Variants in COL13A1 observed in about 807,000 individuals in gnomAD.
COL13A1 encodes collagen alpha-1(XIII) chain.
In COL13A1, 89 loss-of-function variants were observed where a neutral mutation model predicts 130.9. The observed-to-expected ratio is 0.68, with a 90% CI of 0.57 to 0.81. The LOEUF is 0.81. COL13A1 is among the 30% of genes least tolerant of loss of function. COL13A1 has a pLI of 0.00. For synonymous variants in COL13A1, 402 were observed against 341.6 expected (o/e 1.18, Z -1.95); for missense variants, 879 against 934.6 (o/e 0.94, Z 0.78).
At chr10:69,884,216 G>A (rs1018730149) in intron 7 of COL13A1, among the ~76,000 whole-genome samples, 4 of 152,172 alleles carry the variant, frequency 2.6e-5, no homozygotes, top group African/African-American at 9.7e-5. Flanking sequence ...TGGCAAGAGT[G>A]GACCATGCAC....
intron 1 of COL13A1, among the ~76,000 whole-genome samples, chr10:69,809,680 G>T (rs1842450232): frequency 6.6e-6 from 1 of 152,260 alleles, no homozygotes; most frequent in Non-Finnish European, 1.5e-5. Context: ...CCAGCCAGGG[G>T]CTGGGGATCT....
chr10:69,907,274 T>C (rs982159545), intron 17 of COL13A1, among the ~76,000 whole-genome samples: 12 of 152,224 alleles, frequency 7.9e-5, no homozygotes, highest in Non-Finnish European at 1.8e-4. Context: ...ATGACTATTC[T>C]CCTATTTAAA....
rs529266732 is a variant in COL13A1 at position 69,836,388 on chromosome 10, A to C, written c.364+13950A>C. On this transcript the variant is annotated intron_variant, in intron 2 of 40. Transcript: ENST00000645393. ...GAACCACACTGTTGGTGGCTTGTGC[A>C]GCTGGCATTTGGCCCTGAGACATCA... Among the ~76,000 whole-genome samples the C allele has an allele frequency of 2.8e-4, 42 of 152,340 alleles. 1 individual carries two copies. The Middle Eastern group carries it at 0.01, about 37-fold the overall frequency.
At position 69,830,843 on chromosome 10, in the gene COL13A1, C is replaced by T. The variant is rs74139205; in HGVS notation, c.364+8405C>T. ...ACCATCACCACAATCAGTTCTAGGA[C>T]ATTTTATCGTCCCAAAAAAGAAACC... On this transcript the variant is annotated intron_variant, in intron 2 of 40. Coordinates refer to ENST00000645393, the MANE Select transcript of COL13A1 (RefSeq NM_001368882.1). Among the ~76,000 whole-genome samples the T allele has an allele frequency of 8.0e-3, 1,219 of 152,290 alleles. 22 individuals are homozygous for T. The highest frequency in any genetic ancestry group is 0.028 in the African/African-American group (1,158 of 41,556).
intron 4 of COL13A1, among the ~76,000 whole-genome samples, chr10:69,872,760 C>G (rs759396882): frequency 6.6e-6 from 1 of 152,234 alleles, no homozygotes; most frequent in Non-Finnish European, 1.5e-5. Context: ...CTGCATTTAT[C>G]ATGTTTCACA....
chr10:69,814,776 A>G (rs1321355373), intron 1 of COL13A1, among the ~76,000 whole-genome samples: 1 of 152,196 alleles, frequency 6.6e-6, no homozygotes, highest in Non-Finnish European at 1.5e-5. Flanking sequence ...TGCCTACAAT[A>G]GATTCTTCAC....
At chr10:69,913,907 C>T (rs1258423114) in intron 17 of COL13A1, among the ~76,000 whole-genome samples, 2 of 152,018 alleles carry the variant, frequency 1.3e-5, no homozygotes, top group Admixed American at 6.5e-5. Context: ...CAAGGAAGCC[C>T]GGGTCACTTG....
intron 22 of COL13A1, 68 bp downstream of exon 22, chr10:69,922,003 T>C: frequency 6.6e-7 from 1 of 1,520,358 alleles, no homozygotes; most frequent in East Asian, 2.4e-5. Context: ...GCCCTGCACA[T>C]CCACACAGGC....
At chr10:69,820,655 G>T in intron 1 of COL13A1, among the ~76,000 whole-genome samples, 1 of 152,184 alleles carries the variant, frequency 6.6e-6, no homozygotes, top group African/African-American at 2.4e-5. Flanking sequence ...CCTCCTAATT[G>T]TTACTCAGCC....
chr10:69,814,298 A>C (rs1176912594), intron 1 of COL13A1, among the ~76,000 whole-genome samples: 1 of 152,138 alleles, frequency 6.6e-6, no homozygotes, highest in Non-Finnish European at 1.5e-5. Context: ...CTCCCTTTCC[A>C]GAAGAGGGGC....
At chr10:69,823,366 G>A (rs1358078588) in intron 2 of COL13A1, among the ~76,000 whole-genome samples, 2 of 152,344 alleles carry the variant, frequency 1.3e-5, no homozygotes, top group African/African-American at 2.4e-5. Flanking sequence ...CCTCTTTAGA[G>A]GTGGGGAAGG....
At chr10:69,925,993 C>T (rs746170284) in intron 26 of COL13A1, 121 bp downstream of exon 26, 21 of 783,644 alleles carry the variant, frequency 2.7e-5, no homozygotes, top group African/African-American at 1.0e-4. Flanking sequence ...CCTCAGGCAG[C>T]GCTTCCAGGA....
chr10:69,927,796 C>T (rs1005870901), intron 27 of COL13A1, among the ~76,000 whole-genome samples: 7 of 152,230 alleles, frequency 4.6e-5, no homozygotes, highest in Admixed American at 1.3e-4. Flanking sequence ...ACTTCTGTGA[C>T]GTCCCAATCC....
At chr10:69,905,127 T>G (rs1565013188) in intron 16 of COL13A1, among the ~76,000 whole-genome samples, 168 bp downstream of exon 16, 1 of 152,042 alleles carries the variant, frequency 6.6e-6, no homozygotes, top group South Asian at 2.1e-4. Context: ...GGAACTAACT[T>G]GATTCCAACA....
chr10:69,929,553 T>C (rs2065832818), intron 28 of COL13A1, among the ~76,000 whole-genome samples: 1 of 152,288 alleles, frequency 6.6e-6, no homozygotes, highest in East Asian at 1.9e-4. Flanking sequence ...TGCCCTTTCC[T>C]CTGCTTCTCT....
intron 31 of COL13A1, among the ~76,000 whole-genome samples, chr10:69,934,848 A>G (rs1589628423): frequency 6.6e-6 from 1 of 152,140 alleles, no homozygotes; most frequent in Non-Finnish European, 1.5e-5. Context: ...CAGATAACCA[A>G]TCTCTGCTTC....
intron 3 of COL13A1, 48 bp from the exon 4 acceptor site, chr10:69,872,136 G>A (rs1223786405): frequency 2.5e-6 from 4 of 1,612,028 alleles, no homozygotes; most frequent in Admixed American, 1.7e-5. Flanking sequence ...CAACAGTTAG[G>A]TGTTACGATA....
intron 2 of COL13A1, among the ~76,000 whole-genome samples, chr10:69,833,262 G>A (rs1849237625): frequency 6.6e-6 from 1 of 152,196 alleles, no homozygotes; most frequent in African/African-American, 2.4e-5. Context: ...AGTGAAGAAG[G>A]ACTGCCCTTC....
rs1374043758 is a variant in COL13A1 at position 69,802,441 on chromosome 10, C to A, written c.18C>A (p.Thr6=). The change falls in exon 1 of 41, where the codon ACC becomes ACA. Residue 6 remains threonine, a synonymous_variant. Coordinates refer to ENST00000645393, the MANE Select transcript of COL13A1 (RefSeq NM_001368882.1). MVAER[T]HKAAATGARG... ...GCGAGAGGATGGTAGCGGAGCGCACCCACAAAGCGGCAGCCACCGGTGCCC... is the reference window on the plus strand; with the variant it reads ...GCGAGAGGATGGTAGCGGAGCGCACACACAAAGCGGCAGCCACCGGTGCCC... The A allele has an allele frequency of 6.7e-7, 1 of 1,502,028 alleles. No homozygotes were observed. Among genetic ancestry groups the A allele is most frequent in the Non-Finnish European group, 8.8e-7 (1 of 1,131,116 alleles). The allele number at this position is 1,502,028 out of a possible 1,614,324, so 93.0% of individuals were successfully genotyped here.
Sources: allele counts gnomAD v4.1 joint callset (sites outside exome capture counted in the v4.1 genomes callset), GRCh38; gene constraint gnomAD v4.1.1; transcripts MANE v1.5; gene names NCBI Gene and HGNC (gene_info 2026-07-23, HGNC 2026-07-21).